The following CACNA1I variants were observed in gnomAD, a reference collection of about 807,000 sequenced individuals.
CACNA1I encodes the protein voltage-dependent T-type calcium channel subunit alpha-1I.
A neutral mutation model predicts 201.6 loss-of-function variants in CACNA1I; 74 were observed. That is an observed-to-expected ratio of 0.37 (90% CI 0.30 to 0.45). The LOEUF (loss-of-function observed/expected upper bound fraction) is 0.45, where lower values mean the gene tolerates loss of function less well. Among genes scored for constraint, CACNA1I ranks in the 20% least tolerant of loss-of-function variants. CACNA1I has a pLI of 1.00. For missense variants in CACNA1I, 2,346 were observed against 3,138.1 expected, an observed-to-expected ratio of 0.75 and a Z score of 6.03; for synonymous variants, 1,431 against 1,345.2, an observed-to-expected ratio of 1.06 and a Z score of -1.40.
At position 39,684,440 on chromosome 22, in the gene CACNA1I, T is replaced by C. The variant is rs1935795839; in HGVS notation, c.5969T>C (p.Leu1990Pro). 1.2e-6 allele frequency: 2 copies of C among 1,613,504 alleles called. No homozygotes were observed. The highest frequency in any genetic ancestry group is 1.7e-6 in the Non-Finnish European group (2 of 1,179,840). Residue 1990 changes from leucine to proline, a missense_variant, in exon 36 of 37, where the codon CTG becomes CCG. Coordinates refer to ENST00000402142, the MANE Select transcript of CACNA1I (RefSeq NM_021096.4). The surrounding 1 kb of genome is among the most constrained non-coding windows in gnomAD (Gnocchi z 4.6). ...TGTGTLPKIA[L>P]QGSWASLRSP... ...ACTGGAACCCTCCCCAAGATTGCGC[T>C]GCAGGGCTCCTGGGCATCTCTGCGG...
At chr22:39,611,161 G>T (rs949099887) in intron 3 of CACNA1I, among the ~76,000 whole-genome samples, 2 of 152,184 alleles carry the variant, frequency 1.3e-5, no homozygotes, top group Non-Finnish European at 2.9e-5. Context: ...AGCCGTTTAG[G>T]TGGCCTACCA....
Position 39,649,688 on chromosome 22 carries a change from C to G in CACNA1I, c.1755C>G (p.Gly585=). ...CGGGCTCCGGGAGCTCCGCTGGTGG[C>G]GAGGACGAGGCGGATGGGGACGGGG... is the stretch of plus-strand genomic sequence containing the variant. ...EGSGSGSSAG[G]EDEADGDGAR... Residue 585 remains glycine (G), a synonymous_variant, in exon 10 of 37, where the codon GGC becomes GGG. Transcript: ENST00000402142. The surrounding 1 kb of genome is among the most constrained non-coding windows in gnomAD (Gnocchi z 7.3). 6.6e-7 allele frequency: 1 copy of G among 1,514,902 alleles called. No individual in the cohort carries two copies. Among genetic ancestry groups the G allele is most frequent in the African/African-American group, 1.4e-5 (1 of 72,470 alleles). The allele number at this position is 1,514,902 out of a possible 1,614,324, so 93.8% of individuals were successfully genotyped here. A position where few individuals can be genotyped will look rare whatever the true frequency, so the allele number is the denominator to read the frequency against.
chr22:39,663,905 G>T (rs1935102861), intron 19 of CACNA1I, 64 bp downstream of exon 19: 3 of 1,601,938 alleles, frequency 1.9e-6, no homozygotes, highest in Middle Eastern at 1.7e-4. Flanking sequence ...CCAGGGCTGA[G>T]CAGGGCAGGG....
intron 3 of CACNA1I, among the ~76,000 whole-genome samples, chr22:39,615,889 A>G (rs1409632024): frequency 6.6e-6 from 1 of 152,198 alleles, no homozygotes; most frequent in African/African-American, 2.4e-5. Context: ...AAGATCTTTC[A>G]TGCTGCTAAG....
chr22:39,598,292 C>CTGCCG (rs1245069728), intron 2 of CACNA1I, 30 bp downstream of exon 2: 10 of 1,297,642 alleles, frequency 7.7e-6, no homozygotes, highest in Non-Finnish European at 9.6e-6. Context: ...CCGCCCCGCC[C>CTGCCG]TGCCCTCATC....
At chr22:39,618,308 A>AT (rs1305024845) in intron 3 of CACNA1I, among the ~76,000 whole-genome samples, 4 of 117,090 alleles carry the variant, frequency 3.4e-5, no homozygotes, top group South Asian at 2.7e-4. Context: ...CAGGTGTGTG[A>AT]TTATGTGCGT....
rs920866637 is a variant in CACNA1I at position 39,685,252 on chromosome 22, G to A, written c.6028-509G>A. ...GTCTACTCCATGGTGGACAGGCAGG[G>A]AGAACAGCTCCTGGGGAGGGGCTGC... is the stretch of plus-strand genomic sequence containing the variant. On this transcript the variant is annotated intron_variant, in intron 36 of 36. Coordinates refer to ENST00000402142, the MANE Select transcript of CACNA1I (RefSeq NM_021096.4). This position sits in a 1 kb window ranked among gnomAD's most constrained non-coding sequence, Gnocchi z 5.0. The A allele has an allele frequency of 4.0e-5, 6 of 151,478 alleles. No individual in the cohort carries two copies. The East Asian group carries it at 1.2e-3, about 30-fold the overall frequency. The allele number at this position is 151,478 out of a possible 1,614,324, so 9.4% of individuals were successfully genotyped here.
intron 3 of CACNA1I, among the ~76,000 whole-genome samples, chr22:39,601,875 T>TTC (rs113562789): frequency 5.0e-3 from 120 of 23,958 alleles, no homozygotes; most frequent in African/African-American, 0.011. Context: ...CCTTCCTTCC[T>TTC]TCTCTCTCTT....
Position 39,659,123 on chromosome 22 carries a change from C to G in CACNA1I, c.2330+7C>G, listed in dbSNP as rs1934917598. The G allele has an allele frequency of 6.2e-6, 10 of 1,611,606 alleles. No homozygotes were observed. Among genetic ancestry groups the G allele is most frequent in the African/African-American group, 1.3e-5 (1 of 74,896 alleles). On this transcript the variant is annotated splice_region_variant and intron_variant, in intron 12 of 36. Transcript: ENST00000402142. The surrounding 1 kb of genome is among the most constrained non-coding windows in gnomAD (Gnocchi z 4.3). ...TCTTCATCTTCATCTTCAGGTGAGCCTGCCCTGCTGGGGGCCATACCTCAG... is the reference window on the plus strand; with the variant it reads ...TCTTCATCTTCATCTTCAGGTGAGCGTGCCCTGCTGGGGGCCATACCTCAG...
At chr22:39,662,494 C>A (rs1200275627) in intron 17 of CACNA1I, 59 bp downstream of exon 17, 8 of 1,259,540 alleles carry the variant, frequency 6.4e-6, no homozygotes, top group Non-Finnish European at 1.0e-6. Flanking sequence ...GAAGTGGGTG[C>A]GGCCCCAGGA....
Position 39,677,994 on chromosome 22 carries a change from C to T in CACNA1I, c.4941C>T (p.Asn1647=), listed in dbSNP as rs763562358. The T allele has an allele frequency of 2.0e-5, 32 of 1,590,074 alleles. No homozygotes were observed. The highest frequency in any genetic ancestry group is 1.7e-4 in the Middle Eastern group (1 of 6,034). Residue 1647 remains asparagine, a synonymous_variant, in exon 31 of 37, where the codon AAC becomes AAT. Coordinates refer to ENST00000402142, the MANE Select transcript of CACNA1I (RefSeq NM_021096.4). The surrounding 1 kb of genome is among the most constrained non-coding windows in gnomAD (Gnocchi z 4.8). The stretch of plus-strand genomic sequence containing the variant: ...CCTCCTCCCCGCTTCCAGTCTGCAA[C>T]GACGAGAACCCGTGCGAGGGCATGA... ...GVELFGKLVC[N]DENPCEGMSR...
chr22:39,586,302 C>CG (rs1345826836), intron 1 of CACNA1I, among the ~76,000 whole-genome samples: 1 of 151,898 alleles, frequency 6.6e-6, no homozygotes. Flanking sequence ...CCAGCCTGGC[C>CG]AACATATAAT....
Position 39,687,732 on chromosome 22 carries a change from T to G in CACNA1I, c.*1327T>G, listed in dbSNP as rs1935929160. ...CCAAACGGGTTCTAGACTTGGGTGT[T>G]TGATTTGAAGAGTTACGCATTTATT... is the stretch of plus-strand genomic sequence containing the variant. On this transcript the variant is annotated 3_prime_UTR_variant, in exon 37 of 37. Coordinates refer to ENST00000402142, the MANE Select transcript of CACNA1I (RefSeq NM_021096.4). 1 of 152,206 alleles carries G rather than the reference T, an allele frequency of 6.6e-6. No individual in the cohort carries two copies. Among genetic ancestry groups the G allele is most frequent in the South Asian group, 2.1e-4 (1 of 4,828 alleles). The allele number at this position is 152,206 out of a possible 1,614,324, so 9.4% of individuals were successfully genotyped here. A position where few individuals can be genotyped will look rare whatever the true frequency, so the allele number is the denominator to read the frequency against.
chr22:39,642,348 G>A (rs998432571), intron 6 of CACNA1I, among the ~76,000 whole-genome samples: 1 of 152,120 alleles, frequency 6.6e-6, no homozygotes, highest in Non-Finnish European at 1.5e-5. Context: ...GGGGTGGGGG[G>A]TGACAAAGTC....
chr22:39,577,824 G>C lies in CACNA1I; in HGVS notation c.236+6836G>C, dbSNP rs550420818. ...AGGTGACCCCAGGGTCGGTGGCTTGGTTGCCAGGTGAAGGAAGATCTGCTC... is the reference window on the plus strand; with the variant it reads ...AGGTGACCCCAGGGTCGGTGGCTTGCTTGCCAGGTGAAGGAAGATCTGCTC... On this transcript the variant is annotated intron_variant, in intron 1 of 36. Coordinates refer to ENST00000402142, the MANE Select transcript of CACNA1I (RefSeq NM_021096.4). 2.6e-5 allele frequency among the ~76,000 whole-genome samples: 4 copies of C among 152,360 alleles called. No homozygotes were observed. In the East Asian group the frequency reaches 7.7e-4, roughly 29 times the overall value.
intron 3 of CACNA1I, among the ~76,000 whole-genome samples, chr22:39,615,450 C>T (rs1414089540): frequency 5.3e-5 from 8 of 152,018 alleles, no homozygotes; most frequent in Non-Finnish European, 1.0e-4. Flanking sequence ...GTGCCACTGT[C>T]GGGACAGAGG....
chr22:39,676,292 G>A lies in CACNA1I; in HGVS notation c.4855-1049G>A, dbSNP rs982146018. On this transcript the variant is annotated intron_variant, in intron 29 of 36. Coordinates refer to ENST00000402142, the MANE Select transcript of CACNA1I (RefSeq NM_021096.4). This position sits in a 1 kb window ranked among gnomAD's most constrained non-coding sequence, Gnocchi z 4.8. ...CCTCACGGGTGCTCAGTAAGTGCTT[G>A]TTTTATTAATGAAGGGAACATCATT... 6.6e-6 allele frequency among the ~76,000 whole-genome samples: 1 copy of A among 152,224 alleles called. No homozygotes were observed. Among genetic ancestry groups the A allele is most frequent in the Admixed American group, 6.5e-5 (1 of 15,278 alleles).
intron 4 of CACNA1I, among the ~76,000 whole-genome samples, chr22:39,619,630 A>G (rs1933668860): frequency 6.6e-6 from 1 of 152,170 alleles, no homozygotes; most frequent in South Asian, 2.1e-4. Flanking sequence ...GGTGGTCCCA[A>G]TGCTTCTGAG....
chr22:39,672,311 G>A lies in CACNA1I; in HGVS notation c.4649+3G>A. On this transcript the variant is annotated splice_donor_region_variant and intron_variant, in intron 27 of 36. Transcript: ENST00000402142. The stretch of plus-strand genomic sequence containing the variant: ...CTGAGGCGCTTCTTCAAGGACCGGT[G>A]AGTGGCCAGGCTGGATTAGGGCAGT... 6.3e-7 allele frequency: 1 copy of A among 1,593,392 alleles called. No homozygotes were observed. Among genetic ancestry groups the A allele is most frequent in the Non-Finnish European group, 8.6e-7 (1 of 1,161,698 alleles).
Sources: allele counts gnomAD v4.1 joint callset (sites outside exome capture counted in the v4.1 genomes callset), GRCh38; gene constraint gnomAD v4.1.1; non-coding constraint Gnocchi (gnomAD v3.1); transcripts MANE v1.5; gene names NCBI Gene and HGNC (gene_info 2026-07-23, HGNC 2026-07-21).